The following COL22A1 variants were observed in gnomAD, a reference collection of about 807,000 sequenced individuals.
COL22A1 encodes the protein collagen type XXII alpha 1 chain, also known as collagen alpha-1(XXII) chain.
In COL22A1, 221 loss-of-function variants were observed where a neutral mutation model predicts 248.9. The ratio of observed to expected loss-of-function variants is 0.89; its 90% CI spans 0.80 to 0.99. The LOEUF (loss-of-function observed/expected upper bound fraction) is 0.99. Ranked by LOEUF, COL22A1 falls within the 50% of genes least tolerant of loss-of-function variation. The pLI, the probability that COL22A1 is intolerant of heterozygous loss-of-function variation, is 0.00. For missense variants in COL22A1, 2,240 were observed against 2,179.0 expected, an observed-to-expected ratio of 1.03 and a Z score of -0.56; for synonymous variants, 891 against 793.4, an observed-to-expected ratio of 1.12 and a Z score of -2.07.
chr8:138,906,860 C>T (rs569881167), intron 1 of COL22A1, among the ~76,000 whole-genome samples: 1 of 152,282 alleles, frequency 6.6e-6, no homozygotes, highest in South Asian at 2.1e-4. Context: ...GCCATGTTGG[C>T]CAGGCTGGTC....
chr8:138,763,145 G>T (rs951846028), intron 16 of COL22A1, among the ~76,000 whole-genome samples: 10 of 152,162 alleles, frequency 6.6e-5, no homozygotes, highest in Admixed American at 5.2e-4. Flanking sequence ...CCAGCACTTT[G>T]GGGGGCTGAG....
chr8:138,658,153 C>T (rs1488165025), intron 44 of COL22A1, among the ~76,000 whole-genome samples: 2 of 152,112 alleles, frequency 1.3e-5, no homozygotes, highest in East Asian at 1.9e-4. Flanking sequence ...ACTGGAGAAA[C>T]ACTTTGGGTC....
chr8:138,689,161 G>GGT (rs909137969), intron 36 of COL22A1, among the ~76,000 whole-genome samples, 191 bp from the exon 37 acceptor site: 2 of 145,106 alleles, frequency 1.4e-5, no homozygotes, highest in African/African-American at 2.7e-5. Flanking sequence ...GCTCTCCCGG[G>GGT]GGGGGGGCTG....
intron 47 of COL22A1, 96 bp downstream of exon 47, chr8:138,646,533 A>G (rs1228186675): frequency 3.3e-6 from 3 of 916,684 alleles, no homozygotes; most frequent in East Asian, 6.1e-5. Flanking sequence ...TTTTAAAACC[A>G]CTCCTTTACA....
chr8:138,727,519 T>C (rs1830406030), intron 23 of COL22A1, among the ~76,000 whole-genome samples: 1 of 152,166 alleles, frequency 6.6e-6, no homozygotes, highest in African/African-American at 2.4e-5. Context: ...GCCGAGAGCC[T>C]GGGTTTGCAT....
At chr8:138,728,851 G>A (rs1830511702) in intron 23 of COL22A1, among the ~76,000 whole-genome samples, 1 of 152,118 alleles carries the variant, frequency 6.6e-6, no homozygotes, top group Non-Finnish European at 1.5e-5. Context: ...CAGGCCCCAA[G>A]GGTCAGTGAC....
At chr8:138,713,009 A>G (rs1402303784) in intron 30 of COL22A1, among the ~76,000 whole-genome samples, 1 of 152,230 alleles carries the variant, frequency 6.6e-6, no homozygotes, top group Non-Finnish European at 1.5e-5. Flanking sequence ...AACTAGAAGC[A>G]CAAGTTAGAA....
chr8:138,875,984 C>A (rs2132032414), intron 3 of COL22A1, among the ~76,000 whole-genome samples: 1 of 152,312 alleles, frequency 6.6e-6, no homozygotes, highest in South Asian at 2.1e-4. Flanking sequence ...ATCTGAATTT[C>A]TCCAGCAGTC....
In COL22A1 at chr8:138,598,880, C is replaced by T; in HGVS notation, c.4204G>A (p.Gly1402Ser). ...TTTCCACCAGGAGGTCCTTTGTCAC[C>T]TTTGATCCCAGGATCTCCCTAAGGA... ...KGERGDPGIKGDKGPPGGKGQ... is the reference protein window; with the variant it reads ...KGERGDPGIKSDKGPPGGKGQ... The change falls in exon 61 of 65, where the codon GGT (glycine) becomes AGT (serine). Residue 1402 changes from glycine to serine, a missense_variant. Gly to Ser is a moderately conservative substitution (Grantham distance 56, BLOSUM62 0). Coordinates refer to ENST00000303045, the MANE Select transcript of COL22A1 (RefSeq NM_152888.3). 6.2e-7 allele frequency: 1 copy of T among 1,614,136 alleles called. No individual in the cohort carries two copies. The highest frequency in any genetic ancestry group is 8.5e-7 in the Non-Finnish European group (1 of 1,180,018).
chr8:138,661,469 G>A lies in COL22A1; in HGVS notation c.3240+561C>T, dbSNP rs767914815. On this transcript the variant is annotated intron_variant, in intron 43 of 64. Coordinates refer to ENST00000303045, the MANE Select transcript of COL22A1 (RefSeq NM_152888.3). ...TGAGTATGGATCAAGTACCTTCTAT[G>A]TGCCTGGCACGCTGCTGGGCACCAG... 3.9e-5 allele frequency among the ~76,000 whole-genome samples: 6 copies of A among 152,198 alleles called. No individual in the cohort carries two copies. The South Asian group carries it at 6.2e-4, about 16-fold the overall frequency.
intron 12 of COL22A1, among the ~76,000 whole-genome samples, chr8:138,785,863 T>C (rs1168227479): frequency 1.3e-5 from 2 of 152,308 alleles, no homozygotes; most frequent in East Asian, 1.9e-4. Flanking sequence ...CACACTGCCC[T>C]GTGTGCTTCA....
chr8:138,648,058 T>C (rs1822365967), intron 46 of COL22A1, among the ~76,000 whole-genome samples: 1 of 152,250 alleles, frequency 6.6e-6, no homozygotes, highest in African/African-American at 2.4e-5. Flanking sequence ...CAAACATGTT[T>C]ATTTACTATC....
rs144741474 is a variant in COL22A1, at chr8:138,904,540, A to T, written c.-73+9079T>A. ...TCTTTATTGTTTTATTCATTTCTTC[A>T]AACGTGGTAGAGCTGTAATAACCCC... On this transcript the variant is annotated intron_variant, in intron 1 of 64. Coordinates refer to ENST00000303045, the MANE Select transcript of COL22A1 (RefSeq NM_152888.3). Among the ~76,000 whole-genome samples the T allele has an allele frequency of 7.5e-3, 1,134 of 152,208 alleles. 14 individuals carry two copies. The highest frequency in any genetic ancestry group is 0.025 in the African/African-American group (1,041 of 41,518).
chr8:138,813,076 C>T, intron 7 of COL22A1, 57 bp from the exon 8 acceptor site: 1 of 1,406,738 alleles, frequency 7.1e-7, no homozygotes, highest in Non-Finnish European at 1.0e-6. Flanking sequence ...ACCCAGAAAC[C>T]TCCGTGGTTT....
At chr8:138,901,624 C>T (rs781312736) in intron 1 of COL22A1, among the ~76,000 whole-genome samples, 7 of 152,078 alleles carry the variant, frequency 4.6e-5, no homozygotes, top group Non-Finnish European at 1.0e-4. Flanking sequence ...GCCTCAGCCT[C>T]ACAAAGTGCT....
rs1232412450 is a variant in COL22A1, at chr8:138,602,021, T to A, written c.4185+94A>T. 2.2e-6 allele frequency: 3 copies of A among 1,378,254 alleles called. No homozygotes were observed. In the East Asian group the frequency reaches 6.9e-5, roughly 32 times the overall value. The allele number at this position is 1,378,254 out of a possible 1,614,324, so 85.4% of individuals were successfully genotyped here. The stretch of plus-strand genomic sequence containing the variant: ...CGGCATGATCCAGGCGGGTGTTTAC[T>A]AACTGCCTTGGACAAAGGCCAGGCT... On this transcript the variant is annotated intron_variant, in intron 60 of 64. Transcript: ENST00000303045.
At chr8:138,722,673 T>G (rs1829962406) in intron 25 of COL22A1, among the ~76,000 whole-genome samples, 1 of 152,120 alleles carries the variant, frequency 6.6e-6, no homozygotes, top group South Asian at 2.1e-4. Context: ...CTGCAGCTGT[T>G]TGCAGGTGAG....
At position 138,729,396 on chromosome 8, in the gene COL22A1, T is replaced by G. The variant is rs550369257; in HGVS notation, c.2140-3956A>C. ...GGGTTTGAAGATCTCAAAGTCTATC[T>G]CCCTGGTAAGACCACAGCAACTGGT... On this transcript the variant is annotated intron_variant, in intron 23 of 64. Transcript: ENST00000303045. 2.0e-5 allele frequency among the ~76,000 whole-genome samples: 3 copies of G among 152,262 alleles called. No individual in the cohort carries two copies. The East Asian group carries it at 5.8e-4, about 29-fold the overall frequency.
At chr8:138,902,731 T>TACACACAC (rs1814687531) in intron 1 of COL22A1, among the ~76,000 whole-genome samples, 1 of 91,496 alleles carries the variant, frequency 1.1e-5, no homozygotes, top group South Asian at 3.9e-4. Flanking sequence ...TATAAATATA[T>TACACACAC]ATATATATAC....
Sources: allele counts gnomAD v4.1 joint callset (sites outside exome capture counted in the v4.1 genomes callset), GRCh38; gene constraint gnomAD v4.1.1; transcripts MANE v1.5; gene names NCBI Gene and HGNC (gene_info 2026-07-23, HGNC 2026-07-21).